Variants in TTLL11 observed in about 807,000 individuals in gnomAD.
The protein encoded by TTLL11 is tubulin tyrosine ligase like 11.
A neutral mutation model predicts 51.7 loss-of-function variants in TTLL11; 42 were observed. The ratio of observed to expected loss-of-function variants is 0.81; its 90% CI spans 0.64 to 1.05. The LOEUF is 1.05. TTLL11 is among the 50% of genes least tolerant of loss of function. TTLL11 has a pLI of 0.00. For missense variants in TTLL11, 799 were observed against 940.4 expected (o/e 0.85, Z 1.97); for synonymous variants, 381 against 383.5 (o/e 0.99, Z 0.08).
chr9:121,872,576 C>G (rs1296293583), intron 6 of TTLL11, among the ~76,000 whole-genome samples: 10 of 152,112 alleles, frequency 6.6e-5, no homozygotes, highest in Admixed American at 6.5e-4. Flanking sequence ...AATTCAATAG[C>G]GAAACAACAT....
intron 3 of TTLL11, among the ~76,000 whole-genome samples, chr9:122,002,652 A>C (rs556568734): frequency 6.6e-6 from 1 of 152,088 alleles, no homozygotes; most frequent in African/African-American, 2.4e-5. Context: ...CTCAGCTTTA[A>C]GAGATCTCCA....
intron 6 of TTLL11, among the ~76,000 whole-genome samples, chr9:121,911,100 G>A (rs1189164715): frequency 6.6e-6 from 1 of 152,122 alleles, no homozygotes; most frequent in Non-Finnish European, 1.5e-5. Context: ...ATGCCCCCTG[G>A]TTCTCAGAAT....
chr9:122,024,249 C>T (rs72767717), intron 3 of TTLL11, among the ~76,000 whole-genome samples: 6,697 of 152,134 alleles, frequency 0.044, 174 homozygotes, highest in African/African-American at 0.074. Context: ...ATGTGAAATA[C>T]TTGTACGCTA....
intron 6 of TTLL11, among the ~76,000 whole-genome samples, chr9:121,919,472 A>G (rs978333523): frequency 6.6e-6 from 1 of 152,236 alleles, no homozygotes; most frequent in Non-Finnish European, 1.5e-5. Context: ...AAACACAAAG[A>G]GGCATAACGC....
In TTLL11 at chr9:121,822,738, A is replaced by G. The variant is rs1255975436; in HGVS notation, c.1982T>C (p.Val661Ala). Residue 661 changes from valine (V) to alanine (A), a missense_variant, in exon 9 of 9, where the codon GTG becomes GCG. Around this residue, in one of 3 missense-constraint regions of TTLL11, gnomAD observed 165 missense variants for 166.1 expected, o/e 0.99. Coordinates refer to ENST00000321582, the MANE Select transcript of TTLL11 (RefSeq NM_001139442.2). This position sits in a 1 kb window ranked among gnomAD's most constrained non-coding sequence, Gnocchi z 5.8. ...CCCCGACGGGACGCCCCGGCCACAC[A>G]CCAGGCGTTTTTCATCCAGCAGGGA... is the stretch of plus-strand genomic sequence containing the variant. ...HLSLLDEKRLVCGRGVPSGGR... is the reference protein window; with the variant it reads ...HLSLLDEKRLACGRGVPSGGR... 16 of 1,551,480 alleles carry G rather than the reference A, an allele frequency of 1.0e-5. No homozygotes were observed. In the African/African-American group the frequency reaches 1.6e-4, roughly 16 times the overall value.
chr9:122,022,110 T>G (rs1844199864), intron 3 of TTLL11, among the ~76,000 whole-genome samples: 1 of 152,154 alleles, frequency 6.6e-6, no homozygotes, highest in Admixed American at 6.5e-5. Flanking sequence ...ATGATTTTTT[T>G]AAATGAACAG....
chr9:122,037,478 G>C (rs1009738705), intron 2 of TTLL11, among the ~76,000 whole-genome samples: 5 of 152,154 alleles, frequency 3.3e-5, no homozygotes, highest in African/African-American at 1.2e-4. Context: ...AGGCCACAAA[G>C]CATATGGTTA....
At chr9:121,936,608 C>T (rs929280903) in intron 6 of TTLL11, among the ~76,000 whole-genome samples, 2 of 152,144 alleles carry the variant, frequency 1.3e-5, no homozygotes, top group Non-Finnish European at 2.9e-5. Flanking sequence ...TCAACCTGTC[C>T]TTATACAGGT....
At chr9:121,979,634 T>C (rs1842786508) in intron 4 of TTLL11, among the ~76,000 whole-genome samples, 1 of 152,098 alleles carries the variant, frequency 6.6e-6, no homozygotes, top group Non-Finnish European at 1.5e-5. Flanking sequence ...TCTCCACAAG[T>C]CTGTGCCACC....
At chr9:121,999,156 T>C (rs1843384321) in intron 3 of TTLL11, among the ~76,000 whole-genome samples, 1 of 152,188 alleles carries the variant, frequency 6.6e-6, no homozygotes, top group Non-Finnish European at 1.5e-5. Context: ...CCCACCTCTG[T>C]CTCATTTGGT....
chr9:122,041,995 T>G (rs1204890093), intron 1 of TTLL11, among the ~76,000 whole-genome samples: 6 of 146,956 alleles, frequency 4.1e-5, no homozygotes, highest in Admixed American at 6.8e-5. Context: ...AAGAACCAAG[T>G]GGAGTTCTCA....
intron 6 of TTLL11, among the ~76,000 whole-genome samples, chr9:121,940,220 T>A (rs182260885): frequency 4.4e-4 from 67 of 152,294 alleles, no homozygotes; most frequent in Admixed American, 3.1e-3. Context: ...TAGTCATAAA[T>A]CCTCTTTTCT....
chr9:122,026,695 C>T (rs560550772), intron 3 of TTLL11, among the ~76,000 whole-genome samples: 2 of 152,114 alleles, frequency 1.3e-5, no homozygotes, highest in African/African-American at 2.4e-5. Context: ...CCTTACTAGA[C>T]ACTTAGTAAT....
chr9:121,909,271 C>T (rs1840034956), intron 6 of TTLL11, among the ~76,000 whole-genome samples: 1 of 152,138 alleles, frequency 6.6e-6, no homozygotes, highest in Non-Finnish European at 1.5e-5. Context: ...ATCATGAGTG[C>T]AGGATGTGGG....
intron 7 of TTLL11, among the ~76,000 whole-genome samples, chr9:121,861,821 G>C (rs1032419646): frequency 1.3e-5 from 2 of 152,190 alleles, no homozygotes; most frequent in Non-Finnish European, 2.9e-5. Context: ...CTATGGACAA[G>C]GGCTCAAGGC....
chr9:122,057,320 T>TC (rs1187989835), intron 1 of TTLL11, among the ~76,000 whole-genome samples: 2 of 134,384 alleles, frequency 1.5e-5, no homozygotes, highest in African/African-American at 3.0e-5. Flanking sequence ...CAAGCTCAAA[T>TC]CCTTTTTTTT....
rs1836551672 is a variant in TTLL11, at chr9:121,820,729, T to C, written c.*1858A>G. 6.6e-6 allele frequency among the ~76,000 whole-genome samples: 1 copy of C among 151,788 alleles called. No homozygotes were observed. Among genetic ancestry groups the C allele is most frequent in the African/African-American group, 2.4e-5 (1 of 41,320 alleles). On this transcript the variant is annotated 3_prime_UTR_variant, in exon 9 of 9. Transcript: ENST00000321582. ...AACTGAGCCGATGACACCTCCACAG[T>C]GCCCCATGTAGAGAACACTCGACAC...
At chr9:122,046,594 T>A (rs59968180) in intron 1 of TTLL11, among the ~76,000 whole-genome samples, 11,483 of 152,160 alleles carry the variant, frequency 0.075, 1,401 homozygotes, top group African/African-American at 0.26. Context: ...AGATCCCCAT[T>A]CTCCATCTTT....
chr9:121,965,536 C>T (rs550908508), intron 6 of TTLL11, among the ~76,000 whole-genome samples: 11 of 152,248 alleles, frequency 7.2e-5, no homozygotes, highest in South Asian at 6.2e-4. Flanking sequence ...GATTACAATC[C>T]GAGATGAGAT....
Sources: allele counts gnomAD v4.1 joint callset (sites outside exome capture counted in the v4.1 genomes callset), GRCh38; gene constraint gnomAD v4.1.1; regional missense constraint gnomAD v4.1.1; non-coding constraint Gnocchi (gnomAD v3.1); transcripts MANE v1.5; gene names NCBI Gene and HGNC (gene_info 2026-07-23, HGNC 2026-07-21).